SLC8A1: variants seen among roughly 807,000 people sequenced by gnomAD.
SLC8A1 encodes solute carrier family 8 member A1.
SLC8A1 carries 18 observed loss-of-function variants against 68.3 expected under a neutral mutation model. That is an observed-to-expected ratio of 0.26 (90% CI 0.18 to 0.39). The LOEUF (loss-of-function observed/expected upper bound fraction) is 0.39. SLC8A1 is among the 10% of genes least tolerant of loss of function. The probability of loss-of-function intolerance (pLI) is 1.00; values close to 1 mark genes in which losing one functional copy is unlikely to be tolerated. For missense variants in SLC8A1, 985 were observed against 1,156.7 expected, an observed-to-expected ratio of 0.85 and a Z score of 2.15; for synonymous variants, 475 against 415.5, an observed-to-expected ratio of 1.14 and a Z score of -1.74.
intron 3 of SLC8A1, 30 bp from the exon 4 acceptor site, chr2:40,175,311 A>C (rs1305971439): frequency 1.2e-6 from 2 of 1,606,322 alleles, no homozygotes. Context: ...AGACAAACAC[A>C]GAATAAGAGA....
At chr2:40,345,514 G>C (rs976958129) in intron 2 of SLC8A1, among the ~76,000 whole-genome samples, 1 of 152,046 alleles carries the variant, frequency 6.6e-6, no homozygotes, top group Non-Finnish European at 1.5e-5. Context: ...TCAGCTCTGA[G>C]ATGGACAGGG....
intron 2 of SLC8A1, among the ~76,000 whole-genome samples, chr2:40,262,252 C>T (rs1043784028): frequency 2.6e-5 from 4 of 152,172 alleles, no homozygotes; most frequent in African/African-American, 9.7e-5. Context: ...TGAGCCACCG[C>T]ACCCGGCCCT....
intron 2 of SLC8A1, among the ~76,000 whole-genome samples, chr2:40,423,981 C>T (rs1423198009): frequency 6.6e-6 from 1 of 151,900 alleles, no homozygotes; most frequent in East Asian, 1.9e-4. Context: ...GCTAGTTATT[C>T]CATACAAATT....
chr2:40,332,357 C>T (rs1211711150), intron 2 of SLC8A1, among the ~76,000 whole-genome samples: 2 of 140,086 alleles, frequency 1.4e-5, no homozygotes, highest in Non-Finnish European at 3.0e-5. Flanking sequence ...TGGATTTACC[C>T]TTTACTTCAC....
chr2:40,140,885 A>G (rs894415524), intron 6 of SLC8A1, among the ~76,000 whole-genome samples: 1 of 152,258 alleles, frequency 6.6e-6, no homozygotes, highest in African/African-American at 2.4e-5. Context: ...CAGTGTACAA[A>G]GAAATGCACA....
intron 2 of SLC8A1, among the ~76,000 whole-genome samples, chr2:40,205,949 A>G (rs141655910): frequency 6.6e-6 from 1 of 152,130 alleles, no homozygotes; most frequent in Non-Finnish European, 1.5e-5. Context: ...GATCTTACAA[A>G]GGAATTATTT....
chr2:40,244,732 G>A (rs1031962063), intron 2 of SLC8A1, among the ~76,000 whole-genome samples: 2 of 152,168 alleles, frequency 1.3e-5, no homozygotes, highest in Non-Finnish European at 2.9e-5. Context: ...AGCTCTGCAA[G>A]AAGTGCTGCC....
intron 2 of SLC8A1, among the ~76,000 whole-genome samples, chr2:40,219,488 C>T (rs919865198): frequency 6.6e-6 from 1 of 152,112 alleles, no homozygotes; most frequent in Non-Finnish European, 1.5e-5. Context: ...ATATTTTGTG[C>T]CCAACTCAAT....
At chr2:40,478,496 T>C (rs1435522859) in intron 1 of SLC8A1, among the ~76,000 whole-genome samples, 1 of 152,188 alleles carries the variant, frequency 6.6e-6, no homozygotes, top group African/African-American at 2.4e-5. Flanking sequence ...TAAAGCAACA[T>C]GAGTTAGCTA....
intron 2 of SLC8A1, among the ~76,000 whole-genome samples, chr2:40,415,659 G>T (rs189926573): frequency 6.6e-6 from 1 of 151,912 alleles, no homozygotes; most frequent in African/African-American, 2.4e-5. Flanking sequence ...CATTTCAAAG[G>T]ACTAATGCTC....
intron 7 of SLC8A1, among the ~76,000 whole-genome samples, chr2:40,127,547 GC>G (rs1441627766): frequency 6.6e-6 from 1 of 152,086 alleles, no homozygotes; most frequent in African/African-American, 2.4e-5. Flanking sequence ...GTGGTTACCT[GC>G]TTTTTTGCGA....
chr2:40,455,834 A>G (rs559342902), upstream of SLC8A1, among the ~76,000 whole-genome samples: 1 of 152,266 alleles, frequency 6.6e-6, no homozygotes, highest in South Asian at 2.1e-4. Flanking sequence ...TACCTCACCC[A>G]GTTGTAAACC....
chr2:40,485,352 T>C (rs1463634505), intron 1 of SLC8A1, among the ~76,000 whole-genome samples: 1 of 152,220 alleles, frequency 6.6e-6, no homozygotes, highest in South Asian at 2.1e-4. Context: ...GCCAGGTTTA[T>C]ATCTAGGTAA....
chr2:40,185,876 G>C (rs1269194102), intron 2 of SLC8A1, among the ~76,000 whole-genome samples: 1 of 152,122 alleles, frequency 6.6e-6, no homozygotes, highest in African/African-American at 2.4e-5. Flanking sequence ...TTTTCAGTAA[G>C]GAGTTTCAAA....
intron 2 of SLC8A1, among the ~76,000 whole-genome samples, chr2:40,199,772 T>C (rs1322216787): frequency 6.6e-6 from 1 of 151,690 alleles, no homozygotes; most frequent in East Asian, 1.9e-4. Flanking sequence ...AATTGATCAC[T>C]TCAAAACTGA....
At chr2:40,411,864 T>A (rs1189698584) in intron 2 of SLC8A1, among the ~76,000 whole-genome samples, 2 of 152,118 alleles carry the variant, frequency 1.3e-5, no homozygotes, top group Non-Finnish European at 2.9e-5. Flanking sequence ...TTGGGTATCC[T>A]GTTTTTATAC....
intron 2 of SLC8A1, among the ~76,000 whole-genome samples, chr2:40,402,213 G>A (rs1396639972): frequency 6.6e-6 from 1 of 152,190 alleles, no homozygotes; most frequent in Non-Finnish European, 1.5e-5. Context: ...TAATTATAAT[G>A]TATTGGCATG....
At chr2:40,429,208 T>C (rs1304741408) in exon 2 of SLC8A1, 1 of 1,613,718 alleles carries the variant, frequency 6.2e-7, no homozygotes, top group African/African-American at 1.3e-5. Context: ...TCTACTTTTT[T>C]GCTGCTGACT....
At chr2:40,164,134 G>C (rs927115776) in intron 5 of SLC8A1, among the ~76,000 whole-genome samples, 1 of 146,824 alleles carries the variant, frequency 6.8e-6, no homozygotes, top group Non-Finnish European at 1.5e-5. Context: ...CCAGATGCTA[G>C]AACCATGTAG....
Sources: gnomAD v4.1 joint callset for allele counts (sites outside exome capture counted in the v4.1 genomes callset) on GRCh38, gnomAD v4.1.1 for gene constraint, MANE v1.5 for transcripts, NCBI Gene and HGNC (gene_info 2026-07-23, HGNC 2026-07-21) for gene names.